The following B3GALT1 variants were observed in gnomAD, a reference collection of about 807,000 sequenced individuals.
B3GALT1 encodes UDP-Gal:betaGlcNAc beta 1,3-galactosyltransferase, polypeptide 1.
Under a neutral mutation model 23.2 loss-of-function variants are expected in B3GALT1, and 10 were observed. That is an observed-to-expected ratio of 0.43 (90% CI 0.27 to 0.73). The LOEUF is 0.73. Among genes scored for constraint, B3GALT1 ranks in the 30% least tolerant of loss-of-function variants. The pLI is 0.21. For synonymous variants in B3GALT1, 156 were observed against 141.5 expected, an observed-to-expected ratio of 1.10 and a Z score of -0.73; for missense variants, 299 against 405.4, an observed-to-expected ratio of 0.74 and a Z score of 2.25.
intron 4 of B3GALT1, among the ~76,000 whole-genome samples, chr2:167,836,570 T>C (rs10198144): frequency 0.031 from 4,673 of 152,156 alleles, 241 homozygotes; most frequent in African/African-American, 0.11. Context: ...CTGAAAGTGA[T>C]GGGGAGAATG....
intron 3 of B3GALT1, among the ~76,000 whole-genome samples, chr2:167,674,726 G>A (rs1007816145): frequency 1.1e-4 from 16 of 151,988 alleles, no homozygotes; most frequent in African/African-American, 3.9e-4. Flanking sequence ...GAAGGACCAG[G>A]GAAGAAAAAT....
At chr2:167,451,457 T>C (rs1196094793) in intron 1 of B3GALT1, among the ~76,000 whole-genome samples, 1 of 152,182 alleles carries the variant, frequency 6.6e-6, no homozygotes, top group East Asian at 1.9e-4. Context: ...TAGTGATTGT[T>C]ATCTCTCTTC....
chr2:167,464,294 G>T (rs1699311470), intron 1 of B3GALT1, among the ~76,000 whole-genome samples: 1 of 151,996 alleles, frequency 6.6e-6, no homozygotes, highest in South Asian at 2.1e-4. Flanking sequence ...CAAAACAATG[G>T]AAATGCAAGT....
intron 3 of B3GALT1, among the ~76,000 whole-genome samples, chr2:167,698,032 A>G (rs1317274465): frequency 1.3e-5 from 2 of 152,188 alleles, no homozygotes; most frequent in Non-Finnish European, 2.9e-5. Flanking sequence ...TATTATCATG[A>G]TTGCACTTCA....
At chr2:167,368,536 G>C (rs539145705) in intron 1 of B3GALT1, among the ~76,000 whole-genome samples, 4 of 152,296 alleles carry the variant, frequency 2.6e-5, no homozygotes, top group Admixed American at 2.6e-4. Context: ...CAGAGGTTAT[G>C]TAAGTAAAAT....
intron 1 of B3GALT1, among the ~76,000 whole-genome samples, chr2:167,452,501 G>A (rs1355517723): frequency 3.9e-5 from 6 of 152,178 alleles, no homozygotes; most frequent in Non-Finnish European, 8.8e-5. Context: ...ATGGGGGACA[G>A]ATGATCCCTT....
chr2:167,867,964 CATT>C (rs1239511146), intron 4 of B3GALT1, among the ~76,000 whole-genome samples: 1 of 151,954 alleles, frequency 6.6e-6, no homozygotes, highest in Non-Finnish European at 1.5e-5. Context: ...TTGTCCCTCT[CATT>C]ATACTCATAT....
rs1025013142 is a variant in B3GALT1 at position 167,578,066 on chromosome 2, C to A, written c.-409-68843C>A. Among the ~76,000 whole-genome samples the A allele has an allele frequency of 2.0e-5, 3 of 151,966 alleles. No homozygotes were observed. The South Asian group carries it at 6.2e-4, about 32-fold the overall frequency. On this transcript the variant is annotated intron_variant, in intron 2 of 4. Coordinates refer to ENST00000392690, the MANE Select transcript of B3GALT1 (RefSeq NM_020981.4). The stretch of plus-strand genomic sequence containing the variant: ...GAGATTTATTATAATCTACCATAAA[C>A]CTTGAACAACAGGAATGTTAGTGAA...
intron 1 of B3GALT1, among the ~76,000 whole-genome samples, chr2:167,448,293 T>A (rs991685438): frequency 6.6e-6 from 1 of 152,198 alleles, no homozygotes; most frequent in Non-Finnish European, 1.5e-5. Context: ...CTGTTTTTTT[T>A]AATCTTTTGA....
chr2:167,854,971 C>G (rs1202285335), intron 4 of B3GALT1, among the ~76,000 whole-genome samples: 1 of 152,140 alleles, frequency 6.6e-6, no homozygotes, highest in African/African-American at 2.4e-5. Context: ...GCAACTGTTG[C>G]CTTTTAACCT....
chr2:167,510,162 G>A (rs1411925070), intron 2 of B3GALT1, among the ~76,000 whole-genome samples: 1 of 152,102 alleles, frequency 6.6e-6, no homozygotes, highest in African/African-American at 2.4e-5. Context: ...CACGAGCCAA[G>A]CATTCTTCCC....
chr2:167,722,554 T>A (rs1054475326), intron 3 of B3GALT1, among the ~76,000 whole-genome samples: 3 of 152,208 alleles, frequency 2.0e-5, no homozygotes, highest in African/African-American at 7.2e-5. Context: ...TTTTTTATAA[T>A]CATACAGAGT....
At chr2:167,786,204 T>A (rs965849714) in intron 3 of B3GALT1, among the ~76,000 whole-genome samples, 3 of 152,302 alleles carry the variant, frequency 2.0e-5, no homozygotes, top group African/African-American at 7.2e-5. Context: ...TTTTAGAAAA[T>A]CTGGGTTTTA....
chr2:167,782,991 G>A (rs1688273590), intron 3 of B3GALT1, among the ~76,000 whole-genome samples: 1 of 152,116 alleles, frequency 6.6e-6, no homozygotes, highest in African/African-American at 2.4e-5. Context: ...AAATGTATGG[G>A]CACAGAATCT....
chr2:167,597,964 A>T (rs916555891), intron 2 of B3GALT1, among the ~76,000 whole-genome samples: 2 of 152,216 alleles, frequency 1.3e-5, no homozygotes, highest in Non-Finnish European at 2.9e-5. Flanking sequence ...AGACCTGCTT[A>T]CCCAGAACTG....
intron 3 of B3GALT1, among the ~76,000 whole-genome samples, chr2:167,664,983 G>T (rs1308906744): frequency 6.6e-6 from 1 of 151,152 alleles, no homozygotes; most frequent in Admixed American, 6.6e-5. Flanking sequence ...GCCCTGGCCA[G>T]AACTTCCAAC....
intron 3 of B3GALT1, among the ~76,000 whole-genome samples, chr2:167,691,211 A>C (rs1686705656): frequency 6.6e-6 from 1 of 152,118 alleles, no homozygotes; most frequent in African/African-American, 2.4e-5. Flanking sequence ...CCTTCTTCAG[A>C]GCTGGTCAGA....
chr2:167,577,556 T>G (rs1684407923), intron 2 of B3GALT1, among the ~76,000 whole-genome samples: 1 of 151,912 alleles, frequency 6.6e-6, no homozygotes, highest in African/African-American at 2.4e-5. Flanking sequence ...TTAATCCAGA[T>G]GCATCAGTTG....
At chr2:167,644,779 T>TAAAAAA (rs199652424) in intron 2 of B3GALT1, among the ~76,000 whole-genome samples, 4 of 91,166 alleles carry the variant, frequency 4.4e-5, no homozygotes, top group African/African-American at 1.3e-4. Context: ...GACTCTGTCT[T>TAAAAAA]AAAAAAAAAA....
Sources: allele counts gnomAD v4.1 joint callset (sites outside exome capture counted in the v4.1 genomes callset), GRCh38; gene constraint gnomAD v4.1.1; transcripts MANE v1.5; gene names NCBI Gene and HGNC (gene_info 2026-07-23, HGNC 2026-07-21).